The following CSMD1 variants were observed in gnomAD, a reference collection of about 807,000 sequenced individuals.
The protein encoded by CSMD1 is CUB and Sushi multiple domains 1.
A neutral mutation model predicts 417.5 loss-of-function variants in CSMD1; 213 were observed. The ratio of observed to expected loss-of-function variants is 0.51; its 90% CI spans 0.46 to 0.57. CSMD1 has a LOEUF of 0.57. CSMD1 is among the 20% of genes least tolerant of loss of function. The probability of loss-of-function intolerance (pLI) is 0.00; values close to 1 mark genes in which losing one functional copy is unlikely to be tolerated. For synonymous variants in CSMD1, 2,862 were observed against 1,736.8 expected (o/e 1.65, Z -16.11); for missense variants, 6,923 against 4,529.7 (o/e 1.53, Z -15.17).
At chr8:4,787,918 T>C (rs1042457210) in intron 1 of CSMD1, 1 of 1,591,136 alleles carries the variant, frequency 6.3e-7, no homozygotes, top group South Asian at 1.1e-5. Context: ...CACAAAGAAA[T>C]TGTTCTTGCT....
chr8:3,199,263 T>G (rs912945601), intron 33 of CSMD1, among the ~76,000 whole-genome samples: 1 of 152,226 alleles, frequency 6.6e-6, no homozygotes, highest in Non-Finnish European at 1.5e-5. Flanking sequence ...CGTGATATTT[T>G]GTTTTTTGTT....
chr8:3,994,083 G>A (rs1814973293), intron 5 of CSMD1, among the ~76,000 whole-genome samples: 1 of 152,212 alleles, frequency 6.6e-6, no homozygotes, highest in African/African-American at 2.4e-5. Flanking sequence ...GAGGCTTCCA[G>A]GCTCTGTCTC....
chr8:4,654,829 C>G (rs998445797), intron 1 of CSMD1, among the ~76,000 whole-genome samples: 3 of 151,874 alleles, frequency 2.0e-5, no homozygotes, highest in African/African-American at 4.8e-5. Flanking sequence ...AAATGGAACT[C>G]TATTTTAAAG....
At chr8:4,232,926 T>A (rs956986016) in intron 3 of CSMD1, among the ~76,000 whole-genome samples, 2 of 152,190 alleles carry the variant, frequency 1.3e-5, no homozygotes, top group African/African-American at 4.8e-5. Flanking sequence ...GAATTCTTTG[T>A]TCCAAAAAGT....
At chr8:4,563,787 T>A (rs1239828179) in intron 2 of CSMD1, among the ~76,000 whole-genome samples, 1 of 152,152 alleles carries the variant, frequency 6.6e-6, no homozygotes, top group Non-Finnish European at 1.5e-5. Flanking sequence ...GTCCTAAATG[T>A]TTCTGTCCCC....
At chr8:4,797,063 C>G (rs1002187597) in intron 1 of CSMD1, among the ~76,000 whole-genome samples, 1 of 152,170 alleles carries the variant, frequency 6.6e-6, no homozygotes, top group African/African-American at 2.4e-5. Context: ...GCAACAGATT[C>G]TGTCCATGTG....
chr8:3,919,666 TA>T (rs1424158124), intron 5 of CSMD1, among the ~76,000 whole-genome samples: 5 of 152,168 alleles, frequency 3.3e-5, no homozygotes, highest in African/African-American at 4.8e-5. Context: ...TCTATTTCTG[TA>T]AAAATGCCAT....
chr8:4,266,773 G>A lies in CSMD1; in HGVS notation c.415+153180C>T, dbSNP rs1392908347. Among the ~76,000 whole-genome samples the A allele has an allele frequency of 2.9e-5, 3 of 104,664 alleles. 1 individual carries two copies. The highest frequency in any genetic ancestry group is 7.8e-5 in the African/African-American group (3 of 38,422). 68.7% of individuals were successfully genotyped at this position (104,664 alleles called of 152,430 possible). ...TGATGATCTATAAATCCTCAAAATA[G>A]TAGCACAGAGAATCTAGATGAAAAC... On this transcript the variant is annotated intron_variant, in intron 3 of 69. Transcript: ENST00000635120.
intron 1 of CSMD1, among the ~76,000 whole-genome samples, chr8:4,948,910 T>G (rs1399789844): frequency 6.6e-6 from 1 of 152,154 alleles, no homozygotes; most frequent in Non-Finnish European, 1.5e-5. Flanking sequence ...ATAAAAATAA[T>G]GTTTCCTGTG....
chr8:4,313,385 G>A (rs1444024811), intron 3 of CSMD1, among the ~76,000 whole-genome samples: 1 of 151,740 alleles, frequency 6.6e-6, no homozygotes, highest in Non-Finnish European at 1.5e-5. Flanking sequence ...CACACACTCT[G>A]CTTTTGAGAA....
chr8:3,250,022 A>G (rs550184866), intron 26 of CSMD1, among the ~76,000 whole-genome samples: 23 of 152,378 alleles, frequency 1.5e-4, no homozygotes, highest in Admixed American at 2.0e-4. Flanking sequence ...GTAGCATGGT[A>G]TAAAGCAGAC....
intron 5 of CSMD1, among the ~76,000 whole-genome samples, chr8:3,947,650 T>C (rs1267650000): frequency 2.6e-5 from 4 of 152,208 alleles, no homozygotes; most frequent in Non-Finnish European, 5.9e-5. Context: ...GTTATCAATT[T>C]ACAGTTTAAT....
At chr8:4,732,677 C>A (rs1021447896) in intron 1 of CSMD1, among the ~76,000 whole-genome samples, 1 of 152,138 alleles carries the variant, frequency 6.6e-6, no homozygotes, top group African/African-American at 2.4e-5. Context: ...TCTGCCCCAG[C>A]TGTATCCTTG....
Position 4,994,500 on chromosome 8 carries a change from A to G in CSMD1, c.-84T>C. 2 of 1,276,512 alleles carry G rather than the reference A, an allele frequency of 1.6e-6. No individual in the cohort carries two copies. Among genetic ancestry groups the G allele is most frequent in the Non-Finnish European group, 2.2e-6 (2 of 903,882 alleles). The allele number at this position is 1,276,512 out of a possible 1,614,324, so 79.1% of individuals were successfully genotyped here. A position where few individuals can be genotyped will look rare whatever the true frequency, so the allele number is the denominator to read the frequency against. Reference sequence around the variant, plus strand: ...ATGAGCGGAGCCAAATAATCACCCGAGGGCAAGGCGAGCCGGAGAGAGAGC... The same window carrying G: ...ATGAGCGGAGCCAAATAATCACCCGGGGGCAAGGCGAGCCGGAGAGAGAGC... On this transcript the variant is annotated 5_prime_UTR_variant, in exon 1 of 70. Coordinates refer to ENST00000635120, the MANE Select transcript of CSMD1 (RefSeq NM_033225.6).
At chr8:3,985,800 G>C (rs1007038815) in intron 5 of CSMD1, among the ~76,000 whole-genome samples, 9 of 149,516 alleles carry the variant, frequency 6.0e-5, no homozygotes, top group African/African-American at 2.2e-4. Context: ...CTGTCGCCCA[G>C]ATTGGACAGG....
chr8:4,005,334 T>C (rs1348987621), intron 4 of CSMD1, among the ~76,000 whole-genome samples: 2 of 152,194 alleles, frequency 1.3e-5, no homozygotes, highest in Non-Finnish European at 2.9e-5. Context: ...ACATTCATTG[T>C]ACTTGCAGAA....
intron 1 of CSMD1, among the ~76,000 whole-genome samples, chr8:4,922,787 AC>A (rs1806582039): frequency 6.6e-6 from 1 of 152,100 alleles, no homozygotes; most frequent in Non-Finnish European, 1.5e-5. Flanking sequence ...CACCAAAGTC[AC>A]CCCAAGAAGT....
chr8:3,816,512 A>T, intron 5 of CSMD1, among the ~76,000 whole-genome samples: 1 of 152,178 alleles, frequency 6.6e-6, no homozygotes, highest in Non-Finnish European at 1.5e-5. Flanking sequence ...TTCCTCATAG[A>T]TGTTTATGTA....
intron 55 of CSMD1, among the ~76,000 whole-genome samples, chr8:2,978,256 C>A (rs779094129): frequency 1.4e-4 from 21 of 152,216 alleles, no homozygotes; most frequent in Non-Finnish European, 2.9e-4. Flanking sequence ...AGACGCCTGG[C>A]GGGGAGGTCC....
Sources: allele counts gnomAD v4.1 joint callset (sites outside exome capture counted in the v4.1 genomes callset), GRCh38; gene constraint gnomAD v4.1.1; transcripts MANE v1.5; gene names NCBI Gene and HGNC (gene_info 2026-07-23, HGNC 2026-07-21).